Variants in BMPR1B observed in about 807,000 individuals in gnomAD.
BMPR1B encodes the protein bone morphogenetic protein receptor type 1B.
In BMPR1B, 12 loss-of-function variants were observed where a neutral mutation model predicts 59.1. The observed-to-expected ratio is 0.20, with a 90% CI of 0.13 to 0.33. The LOEUF (loss-of-function observed/expected upper bound fraction) is 0.33, where lower values mean the gene tolerates loss of function less well. BMPR1B is among the 10% of genes least tolerant of loss of function. BMPR1B has a pLI of 1.00. For missense variants in BMPR1B, 550 were observed against 610.9 expected, an observed-to-expected ratio of 0.90 and a Z score of 1.05; for synonymous variants, 237 against 207.3, an observed-to-expected ratio of 1.14 and a Z score of -1.23.
At chr4:94,989,717 A>G (rs569764040) in intron 2 of BMPR1B, among the ~76,000 whole-genome samples, 89 of 152,300 alleles carry the variant, frequency 5.8e-4, no homozygotes, top group Non-Finnish European at 1.1e-3. Flanking sequence ...TAAATAAAAT[A>G]TTTCTTATTC....
At chr4:94,777,997 G>C (rs1374291947) in intron 1 of BMPR1B, among the ~76,000 whole-genome samples, 1 of 151,684 alleles carries the variant, frequency 6.6e-6, no homozygotes, top group Non-Finnish European at 1.5e-5. Context: ...TTGCACTCCA[G>C]CCTGGGCGAC....
intron 10 of BMPR1B, among the ~76,000 whole-genome samples, chr4:95,133,760 G>GGGAT (rs1489001440): frequency 6.7e-6 from 1 of 150,094 alleles, no homozygotes; most frequent in African/African-American, 2.5e-5. Context: ...TTTAATAGAT[G>GGGAT]GGATCTCACT....
intron 2 of BMPR1B, among the ~76,000 whole-genome samples, chr4:94,888,071 G>A (rs1727251449): frequency 6.6e-6 from 1 of 152,008 alleles, no homozygotes; most frequent in Non-Finnish European, 1.5e-5. Flanking sequence ...GGAAACAATG[G>A]AACAGTTTTG....
At chr4:95,070,112 CAAAA>C (rs763759401) in intron 3 of BMPR1B, among the ~76,000 whole-genome samples, 1 of 151,874 alleles carries the variant, frequency 6.6e-6, no homozygotes, top group Non-Finnish European at 1.5e-5. Flanking sequence ...TGTCACAAAA[CAAAA>C]CAAACAAACA....
chr4:95,144,323 T>TCAA (rs1232468060), intron 10 of BMPR1B, among the ~76,000 whole-genome samples: 1 of 152,012 alleles, frequency 6.6e-6, no homozygotes, highest in Non-Finnish European at 1.5e-5. Context: ...TACAGGCATG[T>TCAA]GCCACCACAC....
In BMPR1B at chr4:95,070,754, T is replaced by C. The variant is rs540276740; in HGVS notation, c.-17-33654T>C. 8.7e-4 allele frequency among the ~76,000 whole-genome samples: 133 copies of C among 152,274 alleles called. 1 individual carries two copies. In the South Asian group the frequency reaches 0.027, roughly 30 times the overall value. ...TTAATCATTGCCACTATTTCTTTTC[T>C]AGATTATTTAAAAAATAGAAAAAGA... On this transcript the variant is annotated intron_variant, in intron 3 of 12. Transcript: ENST00000515059.
intron 1 of BMPR1B, among the ~76,000 whole-genome samples, chr4:94,864,064 A>G (rs1432528283): frequency 6.6e-6 from 1 of 152,200 alleles, no homozygotes; most frequent in Admixed American, 6.5e-5. Flanking sequence ...ATTTTAGCTG[A>G]TGTACTATTA....
chr4:94,759,508 T>G (rs1721674803), intron 1 of BMPR1B, among the ~76,000 whole-genome samples: 1 of 152,232 alleles, frequency 6.6e-6, no homozygotes. Context: ...CTTACATATA[T>G]TTTTAGGATT....
At chr4:94,815,504 A>T (rs1188886946) in intron 1 of BMPR1B, among the ~76,000 whole-genome samples, 1 of 152,178 alleles carries the variant, frequency 6.6e-6, no homozygotes, top group Non-Finnish European at 1.5e-5. Flanking sequence ...ATCTTACCAA[A>T]TTTCTTTCAC....
chr4:94,800,320 A>G (rs763320149), intron 1 of BMPR1B, among the ~76,000 whole-genome samples: 1 of 152,150 alleles, frequency 6.6e-6, no homozygotes, highest in Non-Finnish European at 1.5e-5. Flanking sequence ...GTAGGGGATG[A>G]TTTATTTTAT....
chr4:95,023,754 A>G (rs765140620), intron 3 of BMPR1B, among the ~76,000 whole-genome samples: 2 of 152,194 alleles, frequency 1.3e-5, no homozygotes, highest in Non-Finnish European at 2.9e-5. Context: ...GCTTTGAAAT[A>G]TAAACCCACA....
chr4:95,045,227 T>A (rs1725953546), intron 3 of BMPR1B, among the ~76,000 whole-genome samples: 1 of 152,242 alleles, frequency 6.6e-6, no homozygotes. Context: ...TATATTATTA[T>A]GTTTTCTTAG....
chr4:94,950,496 T>C lies in BMPR1B; in HGVS notation c.-112-45544T>C, dbSNP rs573954185. Among the ~76,000 whole-genome samples, 99 of 152,226 alleles carry C rather than the reference T, an allele frequency of 6.5e-4. 1 individual carries two copies. The highest frequency in any genetic ancestry group is 2.2e-3 in the African/African-American group (93 of 41,558). On this transcript the variant is annotated intron_variant, in intron 2 of 12. Transcript: ENST00000515059. ...GTGTAAGGAAGGGGTCCAGTTTCAG[T>C]TTTCTGCAGATGGCTAGCCAGTTTT...
intron 1 of BMPR1B, among the ~76,000 whole-genome samples, chr4:94,772,808 C>T (rs1435186387): frequency 2.0e-5 from 3 of 152,008 alleles, no homozygotes; most frequent in South Asian, 2.1e-4. Flanking sequence ...CTCTGTTCTG[C>T]GACTTTGTGT....
At chr4:94,843,053 T>C (rs1207337950) in intron 1 of BMPR1B, among the ~76,000 whole-genome samples, 2 of 152,198 alleles carry the variant, frequency 1.3e-5, no homozygotes, top group African/African-American at 4.8e-5. Flanking sequence ...AGGCACTGTT[T>C]TAATGTTTAA....
intron 10 of BMPR1B, among the ~76,000 whole-genome samples, chr4:95,143,639 C>T (rs1456823154): frequency 3.3e-5 from 5 of 152,190 alleles, no homozygotes; most frequent in African/African-American, 9.6e-5. Flanking sequence ...CTATATCATA[C>T]CACTGTCATT....
chr4:94,972,638 G>A (rs77331268), intron 2 of BMPR1B, among the ~76,000 whole-genome samples: 1 of 149,930 alleles, frequency 6.7e-6, no homozygotes, highest in South Asian at 2.1e-4. Flanking sequence ...TTTTTTTTTG[G>A]TCTTATAAGT....
intron 1 of BMPR1B, among the ~76,000 whole-genome samples, chr4:94,761,415 CTGTGTGTGTGTGTGTGTGTG>C (rs57447983): frequency 3.9e-4 from 55 of 141,284 alleles, no homozygotes; most frequent in Admixed American, 9.3e-4. Context: ...CTGTATAATT[CTGTGTGTGTGTGTGTGTGTG>C]TGTGTGTGTG....
chr4:94,975,425 G>A (rs1377975804), intron 2 of BMPR1B, among the ~76,000 whole-genome samples: 1 of 137,714 alleles, frequency 7.3e-6, no homozygotes, highest in Non-Finnish European at 1.5e-5. Context: ...GTACAGTGGT[G>A]CAGTCACGAC....
Sources: allele counts gnomAD v4.1 joint callset (sites outside exome capture counted in the v4.1 genomes callset), GRCh38; gene constraint gnomAD v4.1.1; transcripts MANE v1.5; gene names NCBI Gene and HGNC (gene_info 2026-07-23, HGNC 2026-07-21).